SLC14A2: variants seen among roughly 807,000 people sequenced by gnomAD.
SLC14A2 encodes the protein urea transporter 2.
Under a neutral mutation model 104.6 loss-of-function variants are expected in SLC14A2, and 91 were observed. The ratio of observed to expected loss-of-function variants is 0.87; its 90% confidence interval spans 0.73 to 1.04. The LOEUF (loss-of-function observed/expected upper bound fraction) is 1.04. Among genes scored for constraint, SLC14A2 ranks in the 50% least tolerant of loss-of-function variants. SLC14A2 has a pLI of 0.00. For synonymous variants in SLC14A2, 476 were observed against 466.4 expected (o/e 1.02, Z -0.27); for missense variants, 1,189 against 1,156.0 (o/e 1.03, Z -0.41).
chr18:45,310,708 C>A (rs973676563), intron 1 of SLC14A2, among the ~76,000 whole-genome samples: 1 of 152,212 alleles, frequency 6.6e-6, no homozygotes, highest in African/African-American at 2.4e-5. Context: ...GACATGCACA[C>A]TATGTCGGTC....
Position 45,459,334 on chromosome 18 carries a change from C to T in SLC14A2, c.-124-23899C>T, listed in dbSNP as rs528429319. 8.1e-4 allele frequency among the ~76,000 whole-genome samples: 123 copies of T among 152,322 alleles called. 2 individuals are homozygous for T. The highest frequency in any genetic ancestry group is 2.6e-3 in the African/African-American group (110 of 41,576). On this transcript the variant is annotated intron_variant, in intron 1 of 20. Coordinates refer to the SLC14A2 transcript ENST00000586448. ...CCATCTCTGTAGACTTTGGCTTATT[C>T]GACCTTGTCTCCATGTGCTGTAGAG...
At chr18:45,675,499 T>C (rs1199947473) in intron 18 of SLC14A2, among the ~76,000 whole-genome samples, 2 of 151,366 alleles carry the variant, frequency 1.3e-5, no homozygotes, top group Non-Finnish European at 2.9e-5. Context: ...CAAGTGGAGT[T>C]TGGGGGGCGT....
intron 2 of SLC14A2, among the ~76,000 whole-genome samples, chr18:45,516,662 G>T (rs985826731): frequency 6.6e-6 from 1 of 152,190 alleles, no homozygotes; most frequent in African/African-American, 2.4e-5. Context: ...AAACCCACTG[G>T]CCTAGTTGAT....
intron 1 of SLC14A2, among the ~76,000 whole-genome samples, chr18:45,217,239 G>T: frequency 1.4e-5 from 2 of 147,482 alleles, no homozygotes; most frequent in Middle Eastern, 3.6e-3. Flanking sequence ...TATAAGCCAA[G>T]TTATATATCT....
At chr18:45,393,707 C>G (rs948910889) in intron 1 of SLC14A2, among the ~76,000 whole-genome samples, 2 of 152,156 alleles carry the variant, frequency 1.3e-5, no homozygotes, top group Non-Finnish European at 2.9e-5. Context: ...TTGCTCTTCC[C>G]CATTCCTTCT....
chr18:45,637,599 T>C (rs1265036234), intron 6 of SLC14A2, among the ~76,000 whole-genome samples: 1 of 152,192 alleles, frequency 6.6e-6, no homozygotes, highest in Non-Finnish European at 1.5e-5. Context: ...TTTAAAGGCA[T>C]TAGCATAGAA....
Position 45,575,801 on chromosome 18 carries a change from T to C in SLC14A2, c.-34-48830T>C, listed in dbSNP as rs201937870. Reference sequence around the variant, plus strand: ...AGTTTGTCTTGTTCTTTTTTTTTTTTTTCTTCCCACTTTTTTTTCTTGTTG... The same window carrying C: ...AGTTTGTCTTGTTCTTTTTTTTTTTCTTCTTCCCACTTTTTTTTCTTGTTG... On this transcript the variant is annotated intron_variant, in intron 2 of 20. Transcript: ENST00000586448. 5.9e-5 allele frequency among the ~76,000 whole-genome samples: 9 copies of C among 152,164 alleles called. No homozygotes were observed. In the East Asian group the frequency reaches 9.7e-4, roughly 16 times the overall value.
At chr18:45,337,693 G>A (rs1167906886) in intron 1 of SLC14A2, among the ~76,000 whole-genome samples, 2 of 152,168 alleles carry the variant, frequency 1.3e-5, no homozygotes, top group Admixed American at 1.3e-4. Context: ...GAGATCATAA[G>A]ACTGACAACA....
intron 2 of SLC14A2, among the ~76,000 whole-genome samples, chr18:45,564,114 T>A (rs764660310): frequency 3.0e-4 from 45 of 152,240 alleles, no homozygotes; most frequent in Admixed American, 7.2e-4. Flanking sequence ...TTCTGATAAA[T>A]TCTAAGTCAG....
rs2045984430 is a variant in SLC14A2, at chr18:45,664,644, C to T, written c.1474+737C>T. Among the ~76,000 whole-genome samples, 4 of 152,350 alleles carry T rather than the reference C, an allele frequency of 2.6e-5. No homozygotes were observed. In the South Asian group the frequency reaches 8.3e-4, roughly 32 times the overall value. ...AAAAGTGACTCCCAAGTTAGTGCAACATCACATGCTCCCCAGAAGATGCCT... is the reference window on the plus strand; with the variant it reads ...AAAAGTGACTCCCAAGTTAGTGCAATATCACATGCTCCCCAGAAGATGCCT... On this transcript the variant is annotated intron_variant, in intron 11 of 19. Transcript: ENST00000255226.
the SLC14A2 span, among the ~76,000 whole-genome samples, chr18:45,199,558 A>G: frequency 1.3e-5 from 2 of 152,134 alleles, no homozygotes; most frequent in African/African-American, 4.8e-5. Flanking sequence ...TGAGGATTTC[A>G]CAGATACTCA....
At chr18:45,237,145 G>A (rs573593247) in intron 1 of SLC14A2, among the ~76,000 whole-genome samples, 39 of 152,232 alleles carry the variant, frequency 2.6e-4, no homozygotes, top group African/African-American at 9.1e-4. Context: ...GTTTTCATTT[G>A]GTGGCAATAG....
the SLC14A2 span, among the ~76,000 whole-genome samples, chr18:45,171,287 G>A: frequency 5.9e-5 from 9 of 151,908 alleles, no homozygotes; most frequent in Admixed American, 5.3e-4. Flanking sequence ...TAGAGAAAAC[G>A]TCTAGTTTAT....
intron 2 of SLC14A2, among the ~76,000 whole-genome samples, chr18:45,506,757 G>A (rs957799054): frequency 6.6e-6 from 1 of 152,186 alleles, no homozygotes. Flanking sequence ...GTGAAAGAAT[G>A]AATTTCTCTT....
Position 45,668,478 on chromosome 18 carries a change from G to C in SLC14A2, c.2036+1G>C. The stretch of plus-strand genomic sequence containing the variant: ...CCGTCATCATCATGTCCATGTCTTG[G>C]TAAGTTTGCTTTTGAAGGGTTGTGG... On this transcript the variant is annotated splice_donor_variant, in intron 15 of 19. Transcript: ENST00000255226. LOFTEE classifies it high-confidence loss of function. The C allele has an allele frequency of 6.2e-7, 1 of 1,614,076 alleles. No homozygotes were observed. Among genetic ancestry groups the C allele is most frequent in the Non-Finnish European group, 8.5e-7 (1 of 1,179,990 alleles).
At chr18:45,672,762 TA>T (rs1262440740) in intron 16 of SLC14A2, 137 bp from the exon 17 acceptor site, 1 of 679,782 alleles carries the variant, frequency 1.5e-6, no homozygotes, top group Non-Finnish European at 2.5e-6. Context: ...AAAGTTAACC[TA>T]TTTGAATAGA....
Position 45,467,024 on chromosome 18 carries a change from G to A in SLC14A2, c.-124-16209G>A, listed in dbSNP as rs866551874. 3.3e-5 allele frequency among the ~76,000 whole-genome samples: 5 copies of A among 152,150 alleles called. 1 individual carries two copies. The South Asian group carries it at 8.3e-4, about 25-fold the overall frequency. On this transcript the variant is annotated intron_variant, in intron 1 of 20. Transcript: ENST00000586448. ...CAATGTCCATGTGGGTGTGACTTTTGGGGTATCTAAGCAGACAGGAATCAA... is the reference window on the plus strand; with the variant it reads ...CAATGTCCATGTGGGTGTGACTTTTAGGGTATCTAAGCAGACAGGAATCAA...
At chr18:45,606,066 A>AG (rs937253948) in intron 2 of SLC14A2, among the ~76,000 whole-genome samples, 3 of 152,044 alleles carry the variant, frequency 2.0e-5, no homozygotes, top group African/African-American at 4.8e-5. Context: ...ATCCAGCTGG[A>AG]GGCGGGGAGG....
At chr18:45,263,850 C>T (rs1313796417) in intron 1 of SLC14A2, among the ~76,000 whole-genome samples, 1 of 152,270 alleles carries the variant, frequency 6.6e-6, no homozygotes, top group East Asian at 1.9e-4. Context: ...ATTTTCCTTA[C>T]TACAGCTGTG....
Sources: allele counts gnomAD v4.1 joint callset (sites outside exome capture counted in the v4.1 genomes callset), GRCh38; gene constraint gnomAD v4.1.1; transcripts MANE v1.5; gene names NCBI Gene and HGNC (gene_info 2026-07-23, HGNC 2026-07-21).